Variants in CSMD3 observed in about 807,000 individuals in gnomAD.
The protein encoded by CSMD3 is CUB and sushi domain-containing protein 3.
Under a neutral mutation model 435.2 loss-of-function variants are expected in CSMD3, and 177 were observed. That is an observed-to-expected ratio of 0.41 (90% CI 0.36 to 0.46). The LOEUF (loss-of-function observed/expected upper bound fraction) is 0.46. Ranked by LOEUF, CSMD3 falls within the 20% of genes least tolerant of loss-of-function variation. The pLI, the probability that CSMD3 is intolerant of heterozygous loss-of-function variation, is 0.34. For synonymous variants in CSMD3, 1,656 were observed against 1,520.5 expected (o/e 1.09, Z -2.07); for missense variants, 4,265 against 4,504.6 (o/e 0.95, Z 1.52).
intron 13 of CSMD3, among the ~76,000 whole-genome samples, chr8:112,776,531 A>C (rs1315983949): frequency 1.3e-5 from 2 of 151,758 alleles, no homozygotes; most frequent in Non-Finnish European, 3.0e-5. Flanking sequence ...CAGATTTTCA[A>C]ATCTCATATT....
intron 3 of CSMD3, among the ~76,000 whole-genome samples, chr8:113,248,537 CAT>C (rs143163730): frequency 0.37 from 51,277 of 139,980 alleles, 10,084 homozygotes; most frequent in African/African-American, 0.52. Context: ...TATGTATATA[CAT>C]ATATATATAT....
At chr8:112,517,342 A>G (rs971168889) in intron 27 of CSMD3, 117 bp from the exon 28 acceptor site, 5 of 661,646 alleles carry the variant, frequency 7.6e-6, no homozygotes, top group Middle Eastern at 4.1e-4. Context: ...TAAATGCTAT[A>G]CAATAAACAC....
Position 112,289,059 on chromosome 8 carries a change from T to A in CSMD3, c.9148+306A>T, listed in dbSNP as rs117488227. On this transcript the variant is annotated intron_variant, in intron 57 of 70. Transcript: ENST00000297405. ...GGGATAGATACTTTAGCTTGAATAG[T>A]TTCACCATTTTAACGAACAAAAGCA... Among the ~76,000 whole-genome samples the A allele has an allele frequency of 4.0e-3, 612 of 152,144 alleles. 5 individuals carry two copies. Among genetic ancestry groups the A allele is most frequent in the Non-Finnish European group, 5.9e-3 (404 of 68,002 alleles).
intron 38 of CSMD3, among the ~76,000 whole-genome samples, chr8:112,376,377 T>C (rs1397464532): frequency 6.6e-6 from 1 of 152,198 alleles, no homozygotes; most frequent in Admixed American, 6.6e-5. Flanking sequence ...GACATGTATT[T>C]GCATTACAGT....
intron 27 of CSMD3, among the ~76,000 whole-genome samples, chr8:112,518,607 GGTGT>G (rs35981644): frequency 0.013 from 1,950 of 144,854 alleles, 28 homozygotes; most frequent in African/African-American, 0.039. Context: ...TATAAAAAAT[GGTGT>G]GTGTGTGTGT....
Position 113,431,727 on chromosome 8 carries a change from C to A in CSMD3, c.178+4950G>T, listed in dbSNP as rs550299681. ...TTTTAAGGTCAGAGTTTTTTTTTTT[C>A]CGCACATGAGTACAAAGGCATTATT... On this transcript the variant is annotated intron_variant, in intron 1 of 70. Transcript: ENST00000297405. Among the ~76,000 whole-genome samples the A allele has an allele frequency of 1.1e-4, 17 of 148,526 alleles. No homozygotes were observed. The South Asian group carries it at 3.4e-3, about 30-fold the overall frequency.
At chr8:112,320,094 A>G in intron 45 of CSMD3, 113 bp from the exon 46 acceptor site, 2 of 701,764 alleles carry the variant, frequency 2.8e-6, no homozygotes, top group Non-Finnish European at 2.5e-6. Flanking sequence ...AATAAATTAC[A>G]TAATTTATCA....
chr8:113,101,447 C>T (rs2090327381), intron 4 of CSMD3, among the ~76,000 whole-genome samples: 2 of 152,030 alleles, frequency 1.3e-5, no homozygotes, highest in Non-Finnish European at 2.9e-5. Flanking sequence ...CATTTAAATA[C>T]TTTATCCATC....
chr8:113,277,386 C>T (rs541126073), intron 3 of CSMD3, among the ~76,000 whole-genome samples: 1 of 151,974 alleles, frequency 6.6e-6, no homozygotes, highest in African/African-American at 2.4e-5. Context: ...AAATAATGTT[C>T]AAAACTGCTG....
intron 61 of CSMD3, among the ~76,000 whole-genome samples, chr8:112,262,185 G>A (rs1816473847): frequency 6.6e-6 from 1 of 152,026 alleles, no homozygotes; most frequent in African/African-American, 2.4e-5. Flanking sequence ...TTGTGGGTGT[G>A]TGTATGTGTG....
intron 13 of CSMD3, among the ~76,000 whole-genome samples, chr8:112,727,134 G>T (rs2076982701): frequency 6.6e-6 from 1 of 151,572 alleles, no homozygotes; most frequent in Non-Finnish European, 1.5e-5. Flanking sequence ...CTATACAAAT[G>T]TATAATTATT....
intron 4 of CSMD3, among the ~76,000 whole-genome samples, chr8:113,139,500 T>A (rs2091496863): frequency 6.6e-6 from 1 of 150,916 alleles, no homozygotes; most frequent in Non-Finnish European, 1.5e-5. Flanking sequence ...TAATATATGT[T>A]TTTATATATG....
At chr8:113,289,118 G>A (rs2093666405) in intron 2 of CSMD3, among the ~76,000 whole-genome samples, 1 of 24,962 alleles carries the variant, frequency 4.0e-5, no homozygotes, top group Non-Finnish European at 8.3e-5. Flanking sequence ...GTGGCAAAAT[G>A]TAGATGAAAT....
At chr8:112,841,492 T>C (rs959012228) in intron 11 of CSMD3, among the ~76,000 whole-genome samples, 1 of 151,878 alleles carries the variant, frequency 6.6e-6, no homozygotes, top group Admixed American at 6.6e-5. Context: ...TTTCTTTACA[T>C]GATGATTATT....
intron 22 of CSMD3, among the ~76,000 whole-genome samples, chr8:112,624,018 G>A (rs1447276166): frequency 6.6e-6 from 1 of 152,006 alleles, no homozygotes; most frequent in African/African-American, 2.4e-5. Flanking sequence ...CTTATTCATG[G>A]CAGAGGAGGG....
intron 5 of CSMD3, among the ~76,000 whole-genome samples, chr8:113,094,685 A>G (rs2090108784): frequency 6.6e-6 from 1 of 152,198 alleles, no homozygotes. Flanking sequence ...AATAATGTAG[A>G]TGATTCTAGC....
In CSMD3 at chr8:112,293,830, G is replaced by C. The variant is rs572480500; in HGVS notation, c.8615-1120C>G. On this transcript the variant is annotated intron_variant, in intron 54 of 70. Coordinates refer to ENST00000297405, the MANE Select transcript of CSMD3 (RefSeq NM_198123.2). ...TTTCAGTACTTAGGAAATGACCCAA[G>C]AGCAATTATTTTTCAGCTGTATTGT... Among the ~76,000 whole-genome samples the C allele has an allele frequency of 3.9e-5, 6 of 152,152 alleles. 1 individual carries two copies. The highest frequency in any genetic ancestry group is 3.9e-4 in the Admixed American group (6 of 15,278).
At chr8:113,001,234 A>G (rs1159813895) in intron 6 of CSMD3, among the ~76,000 whole-genome samples, 1 of 152,058 alleles carries the variant, frequency 6.6e-6, no homozygotes, top group Non-Finnish European at 1.5e-5. Context: ...CTCAAAGCTT[A>G]AACATATTTT....
At chr8:112,928,866 G>A (rs1306034832) in intron 9 of CSMD3, among the ~76,000 whole-genome samples, 1 of 145,980 alleles carries the variant, frequency 6.9e-6, no homozygotes. Context: ...TCGCCACACT[G>A]ACTTCCACAA....
Sources: gnomAD v4.1 joint callset for allele counts (sites outside exome capture counted in the v4.1 genomes callset) on GRCh38, gnomAD v4.1.1 for gene constraint, MANE v1.5 for transcripts, NCBI Gene and HGNC (gene_info 2026-07-23, HGNC 2026-07-21) for gene names.